The following MTFP1 variants were observed in gnomAD, a reference collection of about 807,000 sequenced individuals.
MTFP1 encodes the protein mitochondrial fission process 1.
In MTFP1, 19 loss-of-function variants were observed where a neutral mutation model predicts 17.1. The observed-to-expected ratio is 1.11, with a 90% confidence interval of 0.77 to 1.63. The LOEUF (loss-of-function observed/expected upper bound fraction) is 1.63. Among genes scored for constraint, MTFP1 ranks in the 40% most tolerant of loss-of-function variants. MTFP1 has a pLI of 0.00. For synonymous variants in MTFP1, 89 were observed against 95.2 expected (o/e 0.93, Z 0.38); for missense variants, 221 against 226.2 (o/e 0.98, Z 0.15).
intron 2 of MTFP1, 141 bp downstream of exon 2, chr22:30,426,985 T>C: frequency 1.4e-6 from 2 of 1,436,682 alleles, no homozygotes; most frequent in Non-Finnish European, 1.9e-6. Context: ...GACAGTCCTG[T>C]TTGTAGGACA....
At position 30,427,396 on chromosome 22, in the gene MTFP1, A is replaced by G. The variant is rs758009495; in HGVS notation, c.421A>G (p.Ile141Val). The G allele has an allele frequency of 4.3e-6, 7 of 1,613,276 alleles. No individual in the cohort carries two copies. Among genetic ancestry groups the G allele is most frequent in the Admixed American group, 3.3e-5 (2 of 59,978 alleles). ...GACCATCCCCATCATTATCCACCCC[A>G]TTGACAGGTGGGTACCTTCTTGGCC... ...LLTIPIIIHP[I>V]DRSVDFLLDS... is the part of the protein sequence containing the mutation. The change falls in exon 3 of 4, where the codon ATT becomes GTT. Residue 141 changes from isoleucine (I) to valine (V), a missense_variant. By Grantham distance (29) the Ile-to-Val change is conservative. Transcript: ENST00000266263.
intron 2 of MTFP1, 104 bp from the exon 3 acceptor site, chr22:30,427,067 A>C: frequency 7.1e-7 from 1 of 1,413,376 alleles, no homozygotes; most frequent in Non-Finnish European, 1.0e-6. Flanking sequence ...CTGGGTGCGG[A>C]CAAGTCCACT....
At chr22:30,426,881 C>G in intron 2 of MTFP1, 37 bp downstream of exon 2, 1 of 1,602,624 alleles carries the variant, frequency 6.2e-7, no homozygotes. Flanking sequence ...CCAACCCTAG[C>G]TCTCTTCTTG....
intron 3 of MTFP1, 31 bp downstream of exon 3, chr22:30,427,434 C>A: frequency 6.3e-7 from 1 of 1,586,454 alleles, no homozygotes; most frequent in South Asian, 1.1e-5. Flanking sequence ...AGGGATCATC[C>A]ACTCTCCAGT....
rs773281242 is a variant in MTFP1, at chr22:30,427,292, CCTCT to C, written c.322_325del (p.Leu108MetfsTer24). 3 of 1,614,084 alleles carry C rather than the reference CCTCT, an allele frequency of 1.9e-6. No individual in the cohort carries two copies. Among genetic ancestry groups the C allele is most frequent in the South Asian group, 2.2e-5 (2 of 91,090 alleles). On this transcript the variant is annotated frameshift_variant, in exon 3 of 4. Coordinates refer to ENST00000266263, the MANE Select transcript of MTFP1 (RefSeq NM_016498.5). LOFTEE classifies it high-confidence loss of function. ...TTCACCATCAACCGCGTGTGTGCTG[CCTCT>C]CTCTATGTCCTGGGCACTGCCACCC...
chr22:30,427,222 G>T lies in MTFP1; in HGVS notation c.247G>T (p.Asp83Tyr). 1 of 1,614,080 alleles carries T rather than the reference G, an allele frequency of 6.2e-7. No homozygotes were observed. Among genetic ancestry groups the T allele is most frequent in the Non-Finnish European group, 8.5e-7 (1 of 1,180,034 alleles). Residue 83 changes from aspartate to tyrosine, a missense_variant, in exon 3 of 4, where the codon GAC becomes TAC. Asp to Tyr is a radical substitution (Grantham distance 160, BLOSUM62 -3). Transcript: ENST00000266263. ...CGCCAGGGTGACTGTGGCTGTGGTGGACACCTTTGTATGGCAGGCTCTAGC... is the reference window on the plus strand; with the variant it reads ...CGCCAGGGTGACTGTGGCTGTGGTGTACACCTTTGTATGGCAGGCTCTAGC... ...RSARVTVAVVDTFVWQALASV... is the reference protein window; with the variant it reads ...RSARVTVAVVYTFVWQALASV...
At chr22:30,427,508 C>A in intron 3 of MTFP1, 105 bp downstream of exon 3, 2 of 1,254,034 alleles carry the variant, frequency 1.6e-6, no homozygotes, top group Admixed American at 1.8e-5. Flanking sequence ...GGTATGCCCA[C>A]TTTGCTGGAG....
At chr22:30,427,523 A>G in intron 3 of MTFP1, 120 bp downstream of exon 3, 1 of 1,081,080 alleles carries the variant, frequency 9.3e-7, no homozygotes, top group Non-Finnish European at 1.4e-6. Flanking sequence ...CTGGAGCAAT[A>G]GCAGGGACAA....
rs995859751 is a variant in MTFP1 at position 30,426,732 on chromosome 22, TG to T, written c.86del (p.Gly29AlafsTer15). The T allele has an allele frequency of 6.2e-7, 1 of 1,613,914 alleles. No individual in the cohort carries two copies. The highest frequency in any genetic ancestry group is 8.5e-7 in the Non-Finnish European group (1 of 1,179,976). ...CCTCCCCCAGGCTATGCCAATGAGG[TG>T]GGCGAGGCTTTCCGCTCTCTTGTGC... ...WVRYLGYANE[V>X]GEAFRSLVPA... On this transcript the variant is annotated frameshift_variant, in exon 2 of 4. Transcript: ENST00000266263. LOFTEE classifies it high-confidence loss of function.
At position 30,425,802 on chromosome 22, in the gene MTFP1, G is replaced by A. The variant is rs1164991103; in HGVS notation, c.-78G>A. 8 of 1,417,064 alleles carry A rather than the reference G, an allele frequency of 5.6e-6. No individual in the cohort carries two copies. The highest frequency in any genetic ancestry group is 7.5e-6 in the Non-Finnish European group (8 of 1,068,232). 87.8% of individuals were successfully genotyped at this position (1,417,064 alleles called of 1,614,324 possible). A position where few individuals can be genotyped will look rare whatever the true frequency, so the allele number is the denominator to read the frequency against. On this transcript the variant is annotated 5_prime_UTR_variant, in exon 1 of 4. Coordinates refer to ENST00000266263, the MANE Select transcript of MTFP1 (RefSeq NM_016498.5). ...GGGACTTTCGGCGGGTCCCGGCCGGGCAGACCCAAGTGCCGGCGGCGGAGA... is the reference window on the plus strand; with the variant it reads ...GGGACTTTCGGCGGGTCCCGGCCGGACAGACCCAAGTGCCGGCGGCGGAGA...
Position 30,427,355 on chromosome 22 carries a change from C to G in MTFP1, c.380C>G (p.Thr127Ser). The stretch of plus-strand genomic sequence containing the variant: ...CTGGCTGTCCGCAAGTGGACCACCA[C>G]CGCGCTTGGGCTGTTGACCATCCCC... ...WPLAVRKWTT[T>S]ALGLLTIPII... The change falls in exon 3 of 4, where the codon ACC becomes AGC. Residue 127 changes from threonine to serine, a missense_variant. Physicochemically the swap from Thr to Ser is moderately conservative, Grantham distance 58. Transcript: ENST00000266263. 6.2e-7 allele frequency: 1 copy of G among 1,614,196 alleles called. No homozygotes were observed. Among genetic ancestry groups the G allele is most frequent in the Non-Finnish European group, 8.5e-7 (1 of 1,180,040 alleles).
Position 30,425,868 on chromosome 22 carries a change from G to A in MTFP1, c.-12G>A. The A allele has an allele frequency of 6.5e-7, 1 of 1,533,438 alleles. No homozygotes were observed. The highest frequency in any genetic ancestry group is 2.0e-5 in the Admixed American group (1 of 49,802). The allele number at this position is 1,533,438 out of a possible 1,614,324, so 95.0% of individuals were successfully genotyped here. A position where few individuals can be genotyped will look rare whatever the true frequency, so the allele number is the denominator to read the frequency against. The stretch of plus-strand genomic sequence containing the variant: ...TACCGGCTGTAGTGGCCGGGGCCGT[G>A]GCGGGAGAGTCATGTCAGAGCCGCA... On this transcript the variant is annotated 5_prime_UTR_variant, in exon 1 of 4. Coordinates refer to ENST00000266263, the MANE Select transcript of MTFP1 (RefSeq NM_016498.5).
intron 1 of MTFP1, among the ~76,000 whole-genome samples, chr22:30,426,303 G>A (rs1020487750): frequency 1.3e-5 from 2 of 152,286 alleles, no homozygotes; most frequent in African/African-American, 4.8e-5. Flanking sequence ...AAACAAACGA[G>A]ATACACACGA....
At position 30,428,984 on chromosome 22, in the gene MTFP1, A is replaced by G. The variant is rs144639758; in HGVS notation, c.*450A>G. The stretch of plus-strand genomic sequence containing the variant: ...AACTCAGGGAGAAACTCAGGAGTGC[A>G]GTACCAGGGACACCTCAGGACAGAT... On this transcript the variant is annotated 3_prime_UTR_variant, in exon 4 of 4. Transcript: ENST00000266263. 102 of 411,324 alleles carry G rather than the reference A, an allele frequency of 2.5e-4. No individual in the cohort carries two copies. Among genetic ancestry groups the G allele is most frequent in the African/African-American group, 1.9e-3 (92 of 49,258 alleles). The allele number at this position is 411,324 out of a possible 1,614,324, so 25.5% of individuals were successfully genotyped here.
chr22:30,425,774 C>G lies in MTFP1; in HGVS notation c.-106C>G. On this transcript the variant is annotated 5_prime_UTR_variant, in exon 1 of 4. Transcript: ENST00000266263. The stretch of plus-strand genomic sequence containing the variant: ...GGAGATTTCCTGACCTGTCCTTCGG[C>G]GCGGGACTTTCGGCGGGTCCCGGCC... The G allele has an allele frequency of 1.7e-6, 2 of 1,200,696 alleles. No homozygotes were observed. Among genetic ancestry groups the G allele is most frequent in the East Asian group, 3.0e-5 (1 of 33,110 alleles). The allele number at this position is 1,200,696 out of a possible 1,614,324, so 74.4% of individuals were successfully genotyped here. A position where few individuals can be genotyped will look rare whatever the true frequency, so the allele number is the denominator to read the frequency against.
chr22:30,428,573 T>C lies in MTFP1; in HGVS notation c.*39T>C. On this transcript the variant is annotated 3_prime_UTR_variant, in exon 4 of 4. Coordinates refer to ENST00000266263, the MANE Select transcript of MTFP1 (RefSeq NM_016498.5). ...CCTGGCCTGTGCATCGGCCTCCTGC[T>C]TCATGTCAACCTCCTACTCCTGCCA... 6.2e-7 allele frequency: 1 copy of C among 1,614,176 alleles called. No homozygotes were observed.
intron 2 of MTFP1, 135 bp from the exon 3 acceptor site, chr22:30,427,036 G>A: frequency 7.4e-7 from 1 of 1,344,542 alleles, no homozygotes; most frequent in Non-Finnish European, 1.1e-6. Flanking sequence ...CGAACTGGAT[G>A]TGGCAGACTG....
At chr22:30,426,869 C>T in intron 2 of MTFP1, 25 bp downstream of exon 2, 1 of 1,604,684 alleles carries the variant, frequency 6.2e-7, no homozygotes. Context: ...ATTTTCCAAC[C>T]CCCAACCCTA....
At chr22:30,426,930 T>G (rs568303944) in intron 2 of MTFP1, 86 bp downstream of exon 2, 1 of 1,582,916 alleles carries the variant, frequency 6.3e-7, no homozygotes, top group South Asian at 1.1e-5. Flanking sequence ...ATAAAGTCCC[T>G]GTGGGACACT....
Sources: allele counts gnomAD v4.1 joint callset (sites outside exome capture counted in the v4.1 genomes callset), GRCh38; gene constraint gnomAD v4.1.1; transcripts MANE v1.5; gene names NCBI Gene and HGNC (gene_info 2026-07-23, HGNC 2026-07-21).